Variants in FILIP1L observed in about 807,000 individuals in gnomAD.
FILIP1L encodes filamin A-interacting protein 1-like.
A neutral mutation model predicts 96.6 loss-of-function variants in FILIP1L; 55 were observed. The observed-to-expected ratio is 0.57, with a 90% CI of 0.46 to 0.71. The LOEUF (loss-of-function observed/expected upper bound fraction) is 0.71. Among genes scored for constraint, FILIP1L ranks in the 30% least tolerant of loss-of-function variants. The pLI, the probability that FILIP1L is intolerant of heterozygous loss-of-function variation, is 0.00. For missense variants in FILIP1L, 1,304 were observed against 1,321.2 expected, an observed-to-expected ratio of 0.99 and a Z score of 0.20; for synonymous variants, 467 against 473.9, an observed-to-expected ratio of 0.99 and a Z score of 0.19.
intron 1 of FILIP1L, among the ~76,000 whole-genome samples, chr3:99,979,816 TTAGTTGGG>T (rs1346151958): frequency 1.3e-5 from 2 of 152,104 alleles, no homozygotes; most frequent in East Asian, 3.8e-4. Flanking sequence ...AGGGCACAAT[TTAGTTGGG>T]AGACAAGATG....
At chr3:99,852,891 T>G (rs892796588) in intron 4 of FILIP1L, among the ~76,000 whole-genome samples, 1 of 152,270 alleles carries the variant, frequency 6.6e-6, no homozygotes, top group African/African-American at 2.4e-5. Context: ...ATAAGAATTC[T>G]GCATCTTTTT....
chr3:100,017,796 C>T (rs887708645), intron 1 of FILIP1L, among the ~76,000 whole-genome samples: 19 of 152,220 alleles, frequency 1.2e-4, no homozygotes, highest in Admixed American at 9.8e-4. Context: ...TGGTCTTCTC[C>T]GACCTTCAGT....
chr3:99,870,223 G>A (rs574080731), intron 4 of FILIP1L, among the ~76,000 whole-genome samples: 53 of 152,328 alleles, frequency 3.5e-4, no homozygotes, highest in African/African-American at 1.3e-3. Flanking sequence ...GGCTCACCCA[G>A]TAAATGGATG....
At chr3:99,887,020 C>G (rs1705923542) in intron 4 of FILIP1L, among the ~76,000 whole-genome samples, 1 of 151,064 alleles carries the variant, frequency 6.6e-6, no homozygotes, top group African/African-American at 2.4e-5. Flanking sequence ...GCCTGTAATC[C>G]CAGCACTTTG....
chr3:99,839,683 A>G (rs1280614829), intron 5 of FILIP1L, among the ~76,000 whole-genome samples: 1 of 152,230 alleles, frequency 6.6e-6, no homozygotes, highest in Non-Finnish European at 1.5e-5. Context: ...TCTTTGAAAG[A>G]GACAGAAGTA....
intron 1 of FILIP1L, among the ~76,000 whole-genome samples, chr3:100,029,849 A>C (rs2064993999): frequency 1.3e-5 from 2 of 152,196 alleles, no homozygotes; most frequent in Non-Finnish European, 2.9e-5. Context: ...ACATTCTAGG[A>C]GATGTCAACA....
intron 4 of FILIP1L, among the ~76,000 whole-genome samples, chr3:99,853,619 G>A (rs187648104): frequency 1.4e-4 from 22 of 152,300 alleles, no homozygotes; most frequent in African/African-American, 4.8e-4. Context: ...GGCATGTTGC[G>A]TATTTTTCAG....
chr3:100,097,354 G>C (rs1267110972), intron 1 of FILIP1L, among the ~76,000 whole-genome samples: 1 of 152,150 alleles, frequency 6.6e-6, no homozygotes, highest in Non-Finnish European at 1.5e-5. Flanking sequence ...TTTTTTAAAG[G>C]CTACAGGAGG....
chr3:99,958,074 TTTAAA>T (rs1159637991), intron 1 of FILIP1L, among the ~76,000 whole-genome samples: 4 of 150,618 alleles, frequency 2.7e-5, no homozygotes, highest in African/African-American at 9.7e-5. Flanking sequence ...TTTTTTTCAA[TTTAAA>T]TTAATTTAAT....
chr3:100,027,478 C>A (rs1343221913), intron 1 of FILIP1L, among the ~76,000 whole-genome samples: 1 of 152,130 alleles, frequency 6.6e-6, no homozygotes, highest in African/African-American at 2.4e-5. Context: ...TCCAGCAGCT[C>A]CTTGTAGCTT....
intron 1 of FILIP1L, among the ~76,000 whole-genome samples, chr3:100,079,994 G>A (rs1191469385): frequency 6.6e-6 from 1 of 152,110 alleles, no homozygotes. Context: ...GGAGTGGCTA[G>A]ATCAAGCAAC....
At chr3:99,891,287 T>G (rs1706075097) in intron 4 of FILIP1L, among the ~76,000 whole-genome samples, 1 of 152,214 alleles carries the variant, frequency 6.6e-6, no homozygotes, top group South Asian at 2.1e-4. Flanking sequence ...AGTTTAGCTC[T>G]TTGAAATCTC....
intron 3 of FILIP1L, among the ~76,000 whole-genome samples, chr3:99,925,120 C>T (rs1415826967): frequency 6.6e-6 from 1 of 152,124 alleles, no homozygotes; most frequent in Admixed American, 6.5e-5. Context: ...GTTCTCTGTA[C>T]CAGTATATGC....
At chr3:99,845,055 T>G (rs1943300637) in intron 5 of FILIP1L, among the ~76,000 whole-genome samples, 1 of 152,230 alleles carries the variant, frequency 6.6e-6, no homozygotes, top group Admixed American at 6.5e-5. Flanking sequence ...ACCCCAAGCC[T>G]AATGTCTTAG....
At chr3:100,005,791 A>G (rs183691601) in intron 1 of FILIP1L, among the ~76,000 whole-genome samples, 44 of 152,290 alleles carry the variant, frequency 2.9e-4, no homozygotes, top group African/African-American at 9.4e-4. Flanking sequence ...GTTTTGTGGA[A>G]TTTCTATTAT....
At chr3:99,911,825 A>AT (rs902724708) in intron 4 of FILIP1L, among the ~76,000 whole-genome samples, 4 of 151,336 alleles carry the variant, frequency 2.6e-5, no homozygotes, top group Admixed American at 2.0e-4. Flanking sequence ...CTTCTTCATT[A>AT]TTTTTTTTTC....
intron 1 of FILIP1L, among the ~76,000 whole-genome samples, chr3:100,050,869 A>G (rs1373816588): frequency 6.6e-6 from 1 of 152,128 alleles, no homozygotes; most frequent in South Asian, 2.1e-4. Flanking sequence ...TAACTTTGGA[A>G]GATAACTCTG....
At chr3:100,006,738 T>C (rs1303684209) in intron 1 of FILIP1L, among the ~76,000 whole-genome samples, 1 of 151,988 alleles carries the variant, frequency 6.6e-6, no homozygotes, top group Non-Finnish European at 1.5e-5. Context: ...AGTTAGGAAA[T>C]TAAAAGTAAG....
At position 100,007,683 on chromosome 3, in the gene FILIP1L, G is replaced by A. The variant is rs1387648; in HGVS notation, c.-10-76653C>T. On this transcript the variant is annotated intron_variant, in intron 1 of 5. Transcript: ENST00000477258. ...CTTTAAATTGCCTTAAACCAAAAAA[G>A]TGTGTCACTGATGGAAGCTACAGTA... Among the ~76,000 whole-genome samples, 937 of 152,294 alleles carry A rather than the reference G, an allele frequency of 6.2e-3. 9 individuals carry two copies. Among genetic ancestry groups the A allele is most frequent in the African/African-American group, 0.021 (871 of 41,558 alleles).
Sources: gnomAD v4.1 joint callset for allele counts (sites outside exome capture counted in the v4.1 genomes callset) on GRCh38, gnomAD v4.1.1 for gene constraint, MANE v1.5 for transcripts, NCBI Gene and HGNC (gene_info 2026-07-23, HGNC 2026-07-21) for gene names.